Variants in NKAIN3 observed in about 807,000 individuals in gnomAD.
NKAIN3 encodes sodium/potassium transporting ATPase interacting 3, also known as sodium/potassium-transporting ATPase subunit beta-1-interacting protein 3.
NKAIN3 carries 25 observed loss-of-function variants against 30.2 expected under a neutral mutation model. The observed-to-expected ratio is 0.83, with a 90% CI of 0.60 to 1.16. The LOEUF (loss-of-function observed/expected upper bound fraction) is 1.16. Ranked by LOEUF, NKAIN3 falls within the 50% of genes most tolerant of loss-of-function variation. The pLI is 0.00. For synonymous variants in NKAIN3, 91 were observed against 89.6 expected (o/e 1.02, Z -0.09); for missense variants, 225 against 254.1 (o/e 0.89, Z 0.78).
At chr8:62,268,846 A>G (rs1329842303) in intron 1 of NKAIN3, among the ~76,000 whole-genome samples, 1 of 152,170 alleles carries the variant, frequency 6.6e-6, no homozygotes, top group Non-Finnish European at 1.5e-5. Context: ...TAGCTTGTAT[A>G]TGCATAATAC....
At chr8:62,692,563 G>A (rs148838878) in intron 3 of NKAIN3, among the ~76,000 whole-genome samples, 51 of 151,286 alleles carry the variant, frequency 3.4e-4, no homozygotes, top group Non-Finnish European at 6.2e-4. Flanking sequence ...AAGAATTATA[G>A]CAGTTCTCTT....
intron 1 of NKAIN3, among the ~76,000 whole-genome samples, chr8:62,384,089 A>G (rs1423473129): frequency 6.6e-6 from 1 of 152,178 alleles, no homozygotes; most frequent in Non-Finnish European, 1.5e-5. Flanking sequence ...CAAGGTTTAC[A>G]GTATTGCAGT....
intron 5 of NKAIN3, among the ~76,000 whole-genome samples, chr8:62,946,895 G>A (rs1403029768): frequency 2.6e-5 from 4 of 152,162 alleles, no homozygotes; most frequent in Non-Finnish European, 5.9e-5. Context: ...TCAGTGACGA[G>A]GCAGTGTGCA....
intron 4 of NKAIN3, among the ~76,000 whole-genome samples, chr8:62,783,732 T>C (rs1031137777): frequency 7.3e-5 from 11 of 150,988 alleles, no homozygotes; most frequent in African/African-American, 2.4e-4. Context: ...GGCCTCAGCC[T>C]CTAGAGTAGG....
chr8:62,649,920 T>C (rs562024081), intron 3 of NKAIN3, among the ~76,000 whole-genome samples: 1 of 152,284 alleles, frequency 6.6e-6, no homozygotes, highest in African/African-American at 2.4e-5. Flanking sequence ...ATAATAGATT[T>C]GCTCTTAATT....
intron 1 of NKAIN3, among the ~76,000 whole-genome samples, chr8:62,567,854 A>G (rs965273021): frequency 1.3e-5 from 2 of 152,166 alleles, no homozygotes; most frequent in Non-Finnish European, 2.9e-5. Flanking sequence ...AAAGATTATA[A>G]AGTAATAAAG....
At chr8:62,925,534 A>C (rs576399816) in intron 5 of NKAIN3, among the ~76,000 whole-genome samples, 2 of 152,336 alleles carry the variant, frequency 1.3e-5, no homozygotes, top group East Asian at 3.9e-4. Context: ...TGAGACCAGC[A>C]AGCAGACAAC....
intron 1 of NKAIN3, among the ~76,000 whole-genome samples, chr8:62,373,930 T>A (rs1208005391): frequency 6.6e-6 from 1 of 151,802 alleles, no homozygotes; most frequent in Non-Finnish European, 1.5e-5. Flanking sequence ...CTGGGCAACA[T>A]GGTGAAACCC....
intron 3 of NKAIN3, among the ~76,000 whole-genome samples, chr8:62,695,511 G>T (rs1407313795): frequency 6.6e-6 from 1 of 152,088 alleles, no homozygotes; most frequent in Non-Finnish European, 1.5e-5. Context: ...AATAATACTG[G>T]GTATCTCTGA....
At chr8:62,378,206 G>T (rs1216306422) in intron 1 of NKAIN3, among the ~76,000 whole-genome samples, 1 of 152,196 alleles carries the variant, frequency 6.6e-6, no homozygotes, top group Non-Finnish European at 1.5e-5. Flanking sequence ...TTTTGCCTCT[G>T]CCCTAGAGCT....
At chr8:62,351,276 A>T (rs1157335926) in intron 1 of NKAIN3, among the ~76,000 whole-genome samples, 2 of 150,058 alleles carry the variant, frequency 1.3e-5, no homozygotes, top group Non-Finnish European at 3.0e-5. Flanking sequence ...GCCTCCTCAC[A>T]TTCTCTCACA....
intron 4 of NKAIN3, among the ~76,000 whole-genome samples, chr8:62,884,939 C>T (rs979970254): frequency 6.6e-6 from 1 of 151,762 alleles, no homozygotes; most frequent in Non-Finnish European, 1.5e-5. Flanking sequence ...TCCTATTAAA[C>T]TTATGGTTTG....
intron 1 of NKAIN3, among the ~76,000 whole-genome samples, chr8:62,275,070 T>C (rs1410522664): frequency 4.6e-5 from 7 of 151,490 alleles, no homozygotes; most frequent in Admixed American, 1.3e-4. Flanking sequence ...GTGCATGTGT[T>C]TTTATAGCAG....
At position 62,538,668 on chromosome 8, in the gene NKAIN3, C is replaced by T. The variant is rs192996180; in HGVS notation, c.55-40871C>T. ...TACTAGTAACAAATTTCAGATATTC[C>T]ATATCACTAAATATGATTTCAGCCT... On this transcript the variant is annotated intron_variant, in intron 1 of 6. Coordinates refer to ENST00000623646, the MANE Select transcript of NKAIN3 (RefSeq NM_001304533.3). Among the ~76,000 whole-genome samples the T allele has an allele frequency of 3.1e-3, 468 of 152,256 alleles. 2 individuals carry two copies. The highest frequency in any genetic ancestry group is 0.011 in the African/African-American group (454 of 41,544).
At chr8:62,860,930 C>A (rs1820219651) in intron 4 of NKAIN3, among the ~76,000 whole-genome samples, 1 of 152,210 alleles carries the variant, frequency 6.6e-6, no homozygotes, top group South Asian at 2.1e-4. Flanking sequence ...ACCTATCTGG[C>A]CTCATTCCAG....
intron 1 of NKAIN3, among the ~76,000 whole-genome samples, chr8:62,423,125 T>TA (rs1319010381): frequency 3.9e-5 from 6 of 152,076 alleles, no homozygotes; most frequent in Non-Finnish European, 7.4e-5. Context: ...AAATCACTTT[T>TA]GTTTATATCC....
At chr8:62,815,424 G>T (rs924440481) in intron 4 of NKAIN3, among the ~76,000 whole-genome samples, 7 of 152,086 alleles carry the variant, frequency 4.6e-5, no homozygotes, top group African/African-American at 1.2e-4. Context: ...CCAAAAAAGA[G>T]AATTTTAGAC....
At position 62,458,608 on chromosome 8, in the gene NKAIN3, G is replaced by C. The variant is rs546927078; in HGVS notation, c.55-120931G>C. 6.6e-5 allele frequency among the ~76,000 whole-genome samples: 10 copies of C among 152,304 alleles called. No homozygotes were observed. In the East Asian group the frequency reaches 1.9e-3, roughly 29 times the overall value. Reference sequence around the variant, plus strand: ...GAGGCAGACACTTTTCTAAAAGTTTGCCTTTGTAGAACAAAATTCATTTGT... The same window carrying C: ...GAGGCAGACACTTTTCTAAAAGTTTCCCTTTGTAGAACAAAATTCATTTGT... On this transcript the variant is annotated intron_variant, in intron 1 of 6. Coordinates refer to ENST00000623646, the MANE Select transcript of NKAIN3 (RefSeq NM_001304533.3).
chr8:62,581,519 G>T (rs1181826947), intron 2 of NKAIN3, among the ~76,000 whole-genome samples: 3 of 152,096 alleles, frequency 2.0e-5, no homozygotes, highest in Non-Finnish European at 4.4e-5. Flanking sequence ...CTTTGTTGAG[G>T]CTTATGCCTT....
Sources: gnomAD v4.1 joint callset for allele counts (sites outside exome capture counted in the v4.1 genomes callset) on GRCh38, gnomAD v4.1.1 for gene constraint, MANE v1.5 for transcripts, NCBI Gene and HGNC (gene_info 2026-07-23, HGNC 2026-07-21) for gene names.